The following SLC4A10 variants were observed in gnomAD, a reference collection of about 807,000 sequenced individuals.
SLC4A10 encodes sodium-driven chloride bicarbonate exchanger.
A neutral mutation model predicts 137.7 loss-of-function variants in SLC4A10; 42 were observed. The ratio of observed to expected loss-of-function variants is 0.30; its 90% CI spans 0.24 to 0.39. SLC4A10 has a LOEUF of 0.39. SLC4A10 is among the 10% of genes least tolerant of loss of function. The pLI, the probability that SLC4A10 is intolerant of heterozygous loss-of-function variation, is 1.00. For synonymous variants in SLC4A10, 474 were observed against 464.1 expected (o/e 1.02, Z -0.27); for missense variants, 925 against 1,355.0 (o/e 0.68, Z 4.98).
At chr2:161,806,005 A>G (rs868821535) in intron 3 of SLC4A10, among the ~76,000 whole-genome samples, 3 of 152,146 alleles carry the variant, frequency 2.0e-5, no homozygotes, top group Admixed American at 6.5e-5. Flanking sequence ...AGGCATTTCC[A>G]TACATCCTCT....
intron 10 of SLC4A10, among the ~76,000 whole-genome samples, chr2:161,891,554 C>T (rs1034774904): frequency 6.6e-6 from 1 of 151,870 alleles, no homozygotes. Flanking sequence ...TAGATCTTCA[C>T]TCTCTAATAT....
chr2:161,927,884 G>A (rs1270457994), intron 15 of SLC4A10, among the ~76,000 whole-genome samples: 2 of 152,132 alleles, frequency 1.3e-5, no homozygotes, highest in Non-Finnish European at 2.9e-5. Flanking sequence ...AGGTGCTGGA[G>A]AGGATGTGGA....
At chr2:161,709,161 T>A (rs896625476) in intron 1 of SLC4A10, among the ~76,000 whole-genome samples, 9 of 151,690 alleles carry the variant, frequency 5.9e-5, no homozygotes, top group African/African-American at 2.2e-4. Context: ...ATAGAGTCAA[T>A]CTTTATATTT....
At chr2:161,917,597 G>A (rs946720103) in intron 15 of SLC4A10, among the ~76,000 whole-genome samples, 20 of 147,666 alleles carry the variant, frequency 1.4e-4, no homozygotes, top group Admixed American at 4.7e-4. Context: ...AAAAAAGAAA[G>A]AAAGAGAAAA....
chr2:161,661,708 T>G (rs2038422766), intron 1 of SLC4A10, among the ~76,000 whole-genome samples: 1 of 152,214 alleles, frequency 6.6e-6, no homozygotes, highest in South Asian at 2.1e-4. Flanking sequence ...TCATTAATAC[T>G]TTTTAGGCTT....
chr2:161,791,848 A>G lies in SLC4A10; in HGVS notation c.131-12601A>G, dbSNP rs1447491865. On this transcript the variant is annotated intron_variant, in intron 2 of 26. Transcript: ENST00000446997. ...TTACCATGCATTTTATTTCCAGGTA[A>G]ATTTGAAAAATCTAAATTATTTTTC... 3.3e-5 allele frequency among the ~76,000 whole-genome samples: 5 copies of G among 152,252 alleles called. No homozygotes were observed. In the East Asian group the frequency reaches 9.6e-4, roughly 29 times the overall value.
chr2:161,935,304 G>A (rs958861096), intron 15 of SLC4A10, among the ~76,000 whole-genome samples: 5 of 152,142 alleles, frequency 3.3e-5, no homozygotes, highest in African/African-American at 1.2e-4. Flanking sequence ...GTATTTTGAA[G>A]TTTGATATTG....
intron 3 of SLC4A10, among the ~76,000 whole-genome samples, chr2:161,832,907 A>C (rs1347351024): frequency 6.6e-6 from 1 of 151,894 alleles, no homozygotes; most frequent in Non-Finnish European, 1.5e-5. Context: ...CGCCTGGCTA[A>C]TTTTTTGTAT....
intron 1 of SLC4A10, among the ~76,000 whole-genome samples, chr2:161,681,993 C>A (rs2040906524): frequency 1.3e-5 from 2 of 152,074 alleles, no homozygotes; most frequent in South Asian, 4.1e-4. Context: ...TTGCTTTTGA[C>A]TTTTGAGAGA....
At chr2:161,686,203 T>A (rs1346472662) in intron 1 of SLC4A10, among the ~76,000 whole-genome samples, 1 of 152,240 alleles carries the variant, frequency 6.6e-6, no homozygotes, top group Admixed American at 6.5e-5. Context: ...AAACCACTTT[T>A]ATAAACAATC....
At chr2:161,744,092 A>C (rs1193190094) in intron 1 of SLC4A10, among the ~76,000 whole-genome samples, 1 of 152,108 alleles carries the variant, frequency 6.6e-6, no homozygotes, top group African/African-American at 2.4e-5. Flanking sequence ...AATTCTATTT[A>C]TTCCTTTCCA....
intron 1 of SLC4A10, among the ~76,000 whole-genome samples, chr2:161,721,318 A>G (rs1182043108): frequency 4.6e-5 from 7 of 152,138 alleles, no homozygotes; most frequent in Admixed American, 1.3e-4. Flanking sequence ...AGTGGCTGCT[A>G]ATGATTTTCC....
intron 3 of SLC4A10, among the ~76,000 whole-genome samples, chr2:161,833,785 G>C (rs887353359): frequency 6.6e-6 from 1 of 152,164 alleles, no homozygotes; most frequent in Non-Finnish European, 1.5e-5. Context: ...GTATGTGATA[G>C]ACCTTCCACA....
At chr2:161,761,576 C>A (rs2050255920) in intron 1 of SLC4A10, among the ~76,000 whole-genome samples, 1 of 152,018 alleles carries the variant, frequency 6.6e-6, no homozygotes, top group Admixed American at 6.6e-5. Context: ...TAAAAACAAG[C>A]AAACCAGCAG....
chr2:161,813,710 A>G (rs189548635), intron 3 of SLC4A10, among the ~76,000 whole-genome samples: 18 of 152,254 alleles, frequency 1.2e-4, no homozygotes, highest in Admixed American at 1.0e-3. Context: ...ATATATTTAT[A>G]TCATCTTACA....
At chr2:161,753,493 G>A (rs948937478) in intron 1 of SLC4A10, among the ~76,000 whole-genome samples, 16 of 152,222 alleles carry the variant, frequency 1.1e-4, no homozygotes, top group South Asian at 8.3e-4. Context: ...TCCACTTACT[G>A]GTTCTATAAC....
chr2:161,631,270 CTG>C (rs2105406867), intron 1 of SLC4A10, among the ~76,000 whole-genome samples: 1 of 151,718 alleles, frequency 6.6e-6, no homozygotes, highest in East Asian at 1.9e-4. Flanking sequence ...GAATTGCACA[CTG>C]TAAAATGGTG....
In SLC4A10 at chr2:161,796,810, A is replaced by C. The variant is rs547537448; in HGVS notation, c.131-7639A>C. On this transcript the variant is annotated intron_variant, in intron 2 of 26. Transcript: ENST00000446997. ...CAGCAACTTCTCGGTTTTTCCAGGC[A>C]AGCCTTTCTGTTCTTAATTACTGTA... is the stretch of plus-strand genomic sequence containing the variant. Among the ~76,000 whole-genome samples the C allele has an allele frequency of 9.9e-5, 15 of 152,284 alleles. No homozygotes were observed. The South Asian group carries it at 3.1e-3, about 32-fold the overall frequency.
chr2:161,944,676 T>C (rs1693396794), intron 16 of SLC4A10, among the ~76,000 whole-genome samples: 1 of 151,710 alleles, frequency 6.6e-6, no homozygotes, highest in Non-Finnish European at 1.5e-5. Context: ...TTTTCATTAG[T>C]TAAAAGCAGT....
Sources: gnomAD v4.1 joint callset for allele counts (sites outside exome capture counted in the v4.1 genomes callset) on GRCh38, gnomAD v4.1.1 for gene constraint, MANE v1.5 for transcripts, NCBI Gene and HGNC (gene_info 2026-07-23, HGNC 2026-07-21) for gene names.